Variants in PIK3C2G observed in about 807,000 individuals in gnomAD.
PIK3C2G encodes phosphatidylinositol 3-kinase C2 domain-containing subunit gamma.
Under a neutral mutation model 181.1 loss-of-function variants are expected in PIK3C2G, and 168 were observed. The ratio of observed to expected loss-of-function variants is 0.93; its 90% confidence interval spans 0.82 to 1.05. PIK3C2G has a LOEUF of 1.05. Ranked by LOEUF, PIK3C2G falls within the 50% of genes least tolerant of loss-of-function variation. PIK3C2G has a pLI of 0.00. For synonymous variants in PIK3C2G, 573 were observed against 592.2 expected, an observed-to-expected ratio of 0.97 and a Z score of 0.47; for missense variants, 1,869 against 1,732.8, an observed-to-expected ratio of 1.08 and a Z score of -1.40.
chr12:18,319,944 T>C (rs1951033513), intron 6 of PIK3C2G: 1 of 152,192 alleles, frequency 6.6e-6, no homozygotes, highest in Non-Finnish European at 1.5e-5. Context: ...AGTGTTTCTT[T>C]TTCACAGCAT....
chr12:18,608,324 T>C (rs868193897), intron 30 of PIK3C2G, among the ~76,000 whole-genome samples: 60 of 151,976 alleles, frequency 3.9e-4, no homozygotes, highest in African/African-American at 1.3e-3. Flanking sequence ...CCAACAATGA[T>C]AGACTGGATT....
chr12:18,328,377 TAGAG>T (rs1293090368), intron 8 of PIK3C2G, among the ~76,000 whole-genome samples: 3 of 152,072 alleles, frequency 2.0e-5, no homozygotes, highest in Non-Finnish European at 4.4e-5. Flanking sequence ...TGTATTCATC[TAGAG>T]AGAGAAAGAA....
intron 24 of PIK3C2G, among the ~76,000 whole-genome samples, chr12:18,533,188 A>G (rs1943650472): frequency 6.6e-6 from 1 of 152,086 alleles, no homozygotes; most frequent in Admixed American, 6.6e-5. Flanking sequence ...AGTTTCACTC[A>G]CAAAATTTTA....
intron 13 of PIK3C2G, among the ~76,000 whole-genome samples, chr12:18,373,701 A>C (rs986726702): frequency 1.3e-5 from 2 of 151,988 alleles, no homozygotes; most frequent in African/African-American, 4.8e-5. Flanking sequence ...AATACAAAAA[A>C]AATTAGCCGG....
intron 18 of PIK3C2G, among the ~76,000 whole-genome samples, chr12:18,453,536 A>C (rs1947475031): frequency 6.6e-6 from 1 of 152,092 alleles, no homozygotes; most frequent in South Asian, 2.1e-4. Context: ...TGCTTTTAAT[A>C]ATTGACTTGT....
chr12:18,521,473 G>C (rs1942910731), intron 24 of PIK3C2G, among the ~76,000 whole-genome samples: 1 of 152,212 alleles, frequency 6.6e-6, no homozygotes. Flanking sequence ...CCTACAGGGA[G>C]GCCCTGCCCA....
chr12:18,524,622 A>G (rs188965878), intron 24 of PIK3C2G, among the ~76,000 whole-genome samples: 7 of 151,128 alleles, frequency 4.6e-5, no homozygotes, highest in Admixed American at 4.0e-4. Context: ...CTGAAGTGCA[A>G]CATCGCAATC....
In PIK3C2G at chr12:18,505,396, C is replaced by T. The variant is rs1482437303; in HGVS notation, c.3258C>T (p.Gly1086=). ...HNDNIMLTKS[G]HMFHIDFGKF... is the part of the protein sequence containing the mutation. ...ATAATATCATGCTGACAAAGTCGGG[C>T]CACATGTTTCATATTGACTTTGGAA... Residue 1086 remains glycine, a synonymous_variant, in exon 24 of 33, where the codon GGC becomes GGT. Transcript: ENST00000538779. The T allele has an allele frequency of 9.3e-6, 15 of 1,613,266 alleles. No homozygotes were observed. Among genetic ancestry groups the T allele is most frequent in the African/African-American group, 1.3e-5 (1 of 74,984 alleles).
At chr12:18,443,152 T>G (rs1946839678) in intron 18 of PIK3C2G, among the ~76,000 whole-genome samples, 1 of 152,032 alleles carries the variant, frequency 6.6e-6, no homozygotes, top group Non-Finnish European at 1.5e-5. Context: ...ATTACAGGCA[T>G]GAGCCACCAT....
chr12:18,466,640 C>T (rs564167638), intron 18 of PIK3C2G, among the ~76,000 whole-genome samples: 3 of 151,980 alleles, frequency 2.0e-5, no homozygotes, highest in Admixed American at 2.0e-4. Context: ...CTTCAAAAAG[C>T]TTAAACATTT....
At chr12:18,565,602 G>T (rs1049824809) in intron 28 of PIK3C2G, among the ~76,000 whole-genome samples, 3 of 152,068 alleles carry the variant, frequency 2.0e-5, no homozygotes, top group South Asian at 4.2e-4. Flanking sequence ...ATTGAGGGAG[G>T]ATATGATGAT....
intron 22 of PIK3C2G, 149 bp from the exon 23 acceptor site, chr12:18,503,132 T>G (rs1941606355): frequency 6.3e-6 from 3 of 478,562 alleles, no homozygotes; most frequent in African/African-American, 2.0e-5. Flanking sequence ...TAGAAAGAGA[T>G]GCATCTAGAT....
At position 18,538,215 on chromosome 12, in the gene PIK3C2G, A is replaced by G; in HGVS notation, c.3383A>G (p.Lys1128Arg). The change falls in exon 25 of 33, where the codon AAA (lysine) becomes AGA (arginine). Residue 1128 changes from lysine to arginine, a missense_variant. By Grantham distance (26) the Lys-to-Arg change is conservative. Transcript: ENST00000538779. ...GAATACTTTATTACAGAGGGTGGGA[A>G]AAACCCACAGCATTTTCAAGATTTT... ...EMEYFITEGG[K>R]NPQHFQDFVE... The G allele has an allele frequency of 6.2e-7, 1 of 1,612,164 alleles. No individual in the cohort carries two copies. The highest frequency in any genetic ancestry group is 1.1e-5 in the South Asian group (1 of 90,960).
At chr12:18,303,138 CT>C (rs143346641) in intron 5 of PIK3C2G, among the ~76,000 whole-genome samples, 15,107 of 130,586 alleles carry the variant, frequency 0.12, 1,020 homozygotes, top group Admixed American at 0.17. Flanking sequence ...TTCTTTCTTT[CT>C]TTTCTTTTCT....
At chr12:18,533,761 TAACA>T (rs1407722151) in intron 24 of PIK3C2G, among the ~76,000 whole-genome samples, 1 of 152,012 alleles carries the variant, frequency 6.6e-6, no homozygotes, top group African/African-American at 2.4e-5. Context: ...TCAATTCACC[TAACA>T]GACAGAAATA....
At chr12:18,647,791 A>T (rs576085153) in intron 32 of PIK3C2G, 85 bp from the exon 33 acceptor site, 7 of 720,354 alleles carry the variant, frequency 9.7e-6, no homozygotes, top group East Asian at 9.5e-5. Flanking sequence ...TTAGCAGCTA[A>T]TTTTTTTTAT....
chr12:18,651,311 A>G (rs147738211), downstream of PIK3C2G, among the ~76,000 whole-genome samples: 580 of 152,070 alleles, frequency 3.8e-3, 8 homozygotes, highest in Admixed American at 3.4e-3. Context: ...TGCCCTGCCT[A>G]CCTTGAACAC....
At chr12:18,591,006 A>T (rs1947048128) in intron 29 of PIK3C2G, among the ~76,000 whole-genome samples, 1 of 151,966 alleles carries the variant, frequency 6.6e-6, no homozygotes, top group Admixed American at 6.6e-5. Flanking sequence ...GTGAGGTCAA[A>T]ATGTCACCAA....
the PIK3C2G span, among the ~76,000 whole-genome samples, chr12:18,701,201 T>C: frequency 1.3e-5 from 2 of 152,172 alleles, no homozygotes; most frequent in Non-Finnish European, 2.9e-5. Context: ...ACCAGGCTGA[T>C]CTCAAACTCC....
Sources: gnomAD v4.1 joint callset for allele counts (sites outside exome capture counted in the v4.1 genomes callset) on GRCh38, gnomAD v4.1.1 for gene constraint, MANE v1.5 for transcripts, NCBI Gene and HGNC (gene_info 2026-07-23, HGNC 2026-07-21) for gene names.